Variants in DOCK3 observed in about 807,000 individuals in gnomAD.
DOCK3 encodes the protein dedicator of cytokinesis 3.
Under a neutral mutation model 265.6 loss-of-function variants are expected in DOCK3, and 60 were observed. The ratio of observed to expected loss-of-function variants is 0.23; its 90% CI spans 0.18 to 0.28. The LOEUF is 0.28. Among genes scored for constraint, DOCK3 ranks in the 10% least tolerant of loss-of-function variants. The pLI is 1.00. For synonymous variants in DOCK3, 881 were observed against 938.0 expected, an observed-to-expected ratio of 0.94 and a Z score of 1.11; for missense variants, 1,981 against 2,594.3, an observed-to-expected ratio of 0.76 and a Z score of 5.14.
intron 3 of DOCK3, among the ~76,000 whole-genome samples, chr3:50,842,644 C>G (rs189037702): frequency 1.3e-3 from 195 of 152,116 alleles, no homozygotes; most frequent in Non-Finnish European, 1.9e-3. Context: ...GCCAGCAACC[C>G]TCTGTCCCTT....
intron 8 of DOCK3, among the ~76,000 whole-genome samples, chr3:51,089,812 G>T (rs913666913): frequency 7.0e-6 from 1 of 141,866 alleles, no homozygotes; most frequent in Non-Finnish European, 1.5e-5. Context: ...TGAGGGAGGA[G>T]AATTGCTTGA....
At chr3:51,313,156 GA>G (rs1246802179) in intron 31 of DOCK3, among the ~76,000 whole-genome samples, 2 of 151,424 alleles carry the variant, frequency 1.3e-5, no homozygotes, top group Admixed American at 6.6e-5. Context: ...AAAGTCAAAA[GA>G]AAAAAAAGAA....
intron 2 of DOCK3, among the ~76,000 whole-genome samples, chr3:50,816,031 G>GTT (rs374082190): frequency 6.9e-6 from 1 of 145,546 alleles, no homozygotes; most frequent in Non-Finnish European, 1.5e-5. Context: ...GGAAAAACTG[G>GTT]TTTTTTTTTT....
intron 2 of DOCK3, among the ~76,000 whole-genome samples, chr3:50,802,884 C>G (rs911114757): frequency 6.6e-6 from 1 of 151,958 alleles, no homozygotes; most frequent in South Asian, 2.1e-4. Flanking sequence ...CCCACCTTTC[C>G]CTTCTCTTCT....
chr3:50,730,183 C>T (rs1227275075), intron 1 of DOCK3, among the ~76,000 whole-genome samples: 2 of 151,942 alleles, frequency 1.3e-5, no homozygotes, highest in African/African-American at 2.4e-5. Flanking sequence ...ACTCTGTCAC[C>T]CAGGCTGGAG....
Position 51,064,866 on chromosome 3 carries a change from A to C in DOCK3, c.464+270A>C, listed in dbSNP as rs186298499. Among the ~76,000 whole-genome samples the C allele has an allele frequency of 3.4e-4, 52 of 152,272 alleles. 1 individual carries two copies. In the Middle Eastern group the frequency reaches 0.027, roughly 80 times the overall value. On this transcript the variant is annotated intron_variant, in intron 6 of 52. Coordinates refer to ENST00000266037, the MANE Select transcript of DOCK3 (RefSeq NM_004947.5). ...AGGACTAGATTATCCTATAAAGTTA[A>C]ATTTCTTTGACCTCAGATTTCTTGA...
intron 10 of DOCK3, among the ~76,000 whole-genome samples, chr3:51,155,525 A>G (rs2085804422): frequency 6.6e-6 from 1 of 152,196 alleles, no homozygotes; most frequent in Non-Finnish European, 1.5e-5. Flanking sequence ...TGTAGCCACA[A>G]CTATGGTTGA....
intron 4 of DOCK3, among the ~76,000 whole-genome samples, chr3:50,922,730 T>C (rs905328465): frequency 6.6e-6 from 1 of 152,142 alleles, no homozygotes; most frequent in East Asian, 1.9e-4. Context: ...CTAAGGTTTA[T>C]GCACTTAGCC....
At chr3:51,138,264 AT>A (rs1439296750) in intron 9 of DOCK3, among the ~76,000 whole-genome samples, 1 of 152,250 alleles carries the variant, frequency 6.6e-6, no homozygotes, top group African/African-American at 2.4e-5. Flanking sequence ...AATAGTTTGA[AT>A]ATTAATGGAA....
chr3:51,203,951 T>A (rs1252241507), intron 12 of DOCK3, among the ~76,000 whole-genome samples: 3 of 152,182 alleles, frequency 2.0e-5, no homozygotes, highest in African/African-American at 7.2e-5. Flanking sequence ...CTGGGAAAAT[T>A]GGCTAGCAAT....
chr3:51,378,829 CTG>C (rs1302802293), intron 51 of DOCK3, among the ~76,000 whole-genome samples: 1 of 152,216 alleles, frequency 6.6e-6, no homozygotes, highest in African/African-American at 2.4e-5. Flanking sequence ...GAAGGGCACT[CTG>C]TGCTTCCCTT....
chr3:51,220,373 T>C (rs1368939309), intron 14 of DOCK3, among the ~76,000 whole-genome samples: 1 of 151,980 alleles, frequency 6.6e-6, no homozygotes, highest in Non-Finnish European at 1.5e-5. Flanking sequence ...TAAATATTAT[T>C]GGGCAGGGTG....
At chr3:50,944,622 A>G (rs2076380034) in intron 5 of DOCK3, among the ~76,000 whole-genome samples, 1 of 152,196 alleles carries the variant, frequency 6.6e-6, no homozygotes. Flanking sequence ...TATTGTGGCA[A>G]TAAGAAAAAG....
intron 3 of DOCK3, among the ~76,000 whole-genome samples, chr3:50,876,091 G>T (rs1035399333): frequency 6.6e-6 from 1 of 151,916 alleles, no homozygotes; most frequent in African/African-American, 2.4e-5. Context: ...TTTCCAGTCT[G>T]TTTCTGAGAA....
intron 4 of DOCK3, among the ~76,000 whole-genome samples, chr3:50,922,361 T>G (rs959946944): frequency 2.6e-5 from 4 of 152,252 alleles, no homozygotes; most frequent in Admixed American, 2.6e-4. Context: ...GAGCCAGGCA[T>G]GGGATATAAT....
At chr3:51,145,651 AT>A (rs2085265738) in intron 9 of DOCK3, among the ~76,000 whole-genome samples, 2 of 151,962 alleles carry the variant, frequency 1.3e-5, no homozygotes, top group Admixed American at 1.3e-4. Context: ...AGTGTATTTT[AT>A]GTGTGGCCCA....
At chr3:50,795,762 C>A (rs973775176) in intron 2 of DOCK3, among the ~76,000 whole-genome samples, 1 of 152,142 alleles carries the variant, frequency 6.6e-6, no homozygotes, top group Non-Finnish European at 1.5e-5. Context: ...AGATTCTTTC[C>A]TCACCTTGGT....
At chr3:50,756,307 C>T (rs763685824) in intron 1 of DOCK3, among the ~76,000 whole-genome samples, 6 of 152,070 alleles carry the variant, frequency 3.9e-5, no homozygotes, top group East Asian at 1.9e-4. Context: ...TGAGTCTGCT[C>T]GCCCAATTCC....
intron 4 of DOCK3, among the ~76,000 whole-genome samples, chr3:50,906,954 T>G (rs1263543203): frequency 6.6e-6 from 1 of 152,142 alleles, no homozygotes; most frequent in Non-Finnish European, 1.5e-5. Flanking sequence ...TGGTATGTTG[T>G]GTCTTTGTTC....
Sources: allele counts gnomAD v4.1 joint callset (sites outside exome capture counted in the v4.1 genomes callset), GRCh38; gene constraint gnomAD v4.1.1; transcripts MANE v1.5; gene names NCBI Gene and HGNC (gene_info 2026-07-23, HGNC 2026-07-21).